The following SLC9C1 variants were observed in gnomAD, a reference collection of about 807,000 sequenced individuals.
The protein encoded by SLC9C1 is sodium/hydrogen exchanger 10.
A neutral mutation model predicts 140.9 loss-of-function variants in SLC9C1; 97 were observed. The ratio of observed to expected loss-of-function variants is 0.69; its 90% CI spans 0.58 to 0.82. The LOEUF is 0.82. Ranked by LOEUF, SLC9C1 falls within the 40% of genes least tolerant of loss-of-function variation. The pLI is 0.00. For synonymous variants in SLC9C1, 440 were observed against 442.6 expected, an observed-to-expected ratio of 0.99 and a Z score of 0.07; for missense variants, 1,340 against 1,389.3, an observed-to-expected ratio of 0.96 and a Z score of 0.56.
Position 112,180,641 on chromosome 3 carries a change from A to G in SLC9C1, c.2671T>C (p.Phe891Leu), listed in dbSNP as rs779228143. ...TCAAATATATCATTTCCACAATCAAATGTTACAACTTTGGCTTTTTCCTAA... is the reference window on the plus strand; with the variant it reads ...TCAAATATATCATTTCCACAATCAAGTGTTACAACTTTGGCTTTTTCCTAA... ...FIQEKAKVVT[F>L]DCGNDIFEEG... Residue 891 changes from phenylalanine to leucine, a missense_variant, in exon 22 of 29, where the codon TTT (phenylalanine) becomes CTT (leucine). Transcript: ENST00000305815. 2.6e-5 allele frequency: 42 copies of G among 1,612,752 alleles called. No individual in the cohort carries two copies. The highest frequency in any genetic ancestry group is 3.5e-5 in the Non-Finnish European group (41 of 1,179,442).
chr3:112,243,917 C>T, intron 11 of SLC9C1, 78 bp downstream of exon 11: 1 of 1,064,384 alleles, frequency 9.4e-7, no homozygotes, highest in African/African-American at 1.6e-5. Context: ...TATATGGATT[C>T]TTTCTTTATT....
chr3:112,290,733 T>A (rs1343633632), intron 1 of SLC9C1, among the ~76,000 whole-genome samples: 2 of 152,150 alleles, frequency 1.3e-5, no homozygotes, highest in South Asian at 4.1e-4. Flanking sequence ...ATCTGGGTGC[T>A]CCTGTGTTGA....
chr3:112,254,595 C>T (rs77185972), intron 10 of SLC9C1, among the ~76,000 whole-genome samples: 3 of 152,128 alleles, frequency 2.0e-5, no homozygotes, highest in East Asian at 3.9e-4. Flanking sequence ...GAAAAAAGCA[C>T]TAAATATAGA....
intron 13 of SLC9C1, among the ~76,000 whole-genome samples, chr3:112,226,726 C>A (rs907803712): frequency 9.1e-4 from 4 of 4,410 alleles, no homozygotes; most frequent in East Asian, 0.083. Context: ...CATCCCCCCC[C>A]ATCCCCCCAC....
At chr3:112,170,863 C>T (rs1282243192) in intron 23 of SLC9C1, among the ~76,000 whole-genome samples, 1 of 152,112 alleles carries the variant, frequency 6.6e-6, no homozygotes, top group African/African-American at 2.4e-5. Flanking sequence ...AACCACTGTT[C>T]AAATTAAAAC....
At position 112,278,788 on chromosome 3, in the gene SLC9C1, C is replaced by A. The variant is rs1228875078; in HGVS notation, c.259G>T (p.Val87Phe). 2 of 1,611,202 alleles carry A rather than the reference C, an allele frequency of 1.2e-6. No homozygotes were observed. The highest frequency in any genetic ancestry group is 1.7e-6 in the Non-Finnish European group (2 of 1,178,842). Reference protein sequence around the residue: ...DLFFRIFTPVVFFTTAFDMDT... With the variant: ...DLFFRIFTPVFFFTTAFDMDT... ...ATGTCAAATGCAGTAGTAAAGAAAA[C>A]TACTGGTGTAAATATACGAAAAAAT... The change falls in exon 4 of 29, where the codon GTT becomes TTT. Residue 87 changes from valine (V) to phenylalanine (F), a missense_variant. Physicochemically the swap from Val to Phe is conservative, Grantham distance 50. Transcript: ENST00000305815.
intron 16 of SLC9C1, among the ~76,000 whole-genome samples, chr3:112,204,912 AG>A (rs1422169528): frequency 1.3e-5 from 2 of 152,126 alleles, no homozygotes; most frequent in African/African-American, 4.8e-5. Flanking sequence ...ATTTATTAAA[AG>A]ATTATGCTTT....
intron 23 of SLC9C1, among the ~76,000 whole-genome samples, chr3:112,178,091 C>T (rs1030160082): frequency 2.0e-5 from 3 of 151,538 alleles, no homozygotes; most frequent in Non-Finnish European, 2.9e-5. Flanking sequence ...CTCTTAAGTC[C>T]ATTTTTAATA....
chr3:112,231,149 T>TCTTTCTCTCC (rs765772923), intron 13 of SLC9C1, among the ~76,000 whole-genome samples: 4 of 18,896 alleles, frequency 2.1e-4, no homozygotes. Flanking sequence ...TTTCTCCCTT[T>TCTTTCTCTCC]CTTTCTTTCT....
chr3:112,181,226 G>T (rs1009801887), intron 21 of SLC9C1, among the ~76,000 whole-genome samples: 3 of 151,994 alleles, frequency 2.0e-5, no homozygotes, highest in African/African-American at 7.3e-5. Context: ...ATTTATACAC[G>T]GATTAGAAAA....
chr3:112,200,663 T>C, intron 19 of SLC9C1, 48 bp downstream of exon 19: 1 of 1,538,682 alleles, frequency 6.5e-7, no homozygotes, highest in Non-Finnish European at 8.9e-7. Flanking sequence ...CTTTCTGAAG[T>C]GGTGATGATA....
At chr3:112,174,035 A>T (rs1192051556) in intron 23 of SLC9C1, among the ~76,000 whole-genome samples, 3 of 152,180 alleles carry the variant, frequency 2.0e-5, no homozygotes, top group African/African-American at 7.2e-5. Flanking sequence ...GTAAATGGTT[A>T]GTGATCGTCA....
chr3:112,246,631 C>A (rs1386431003), intron 10 of SLC9C1, among the ~76,000 whole-genome samples: 1 of 151,788 alleles, frequency 6.6e-6, no homozygotes, highest in Admixed American at 6.6e-5. Context: ...AGTGTTGTAC[C>A]AAGATGATAA....
At chr3:112,239,615 A>AT (rs1292998285) in intron 12 of SLC9C1, among the ~76,000 whole-genome samples, 1 of 152,086 alleles carries the variant, frequency 6.6e-6, no homozygotes, top group Non-Finnish European at 1.5e-5. Context: ...CAAAACATAT[A>AT]TTTTAAACAT....
intron 11 of SLC9C1, among the ~76,000 whole-genome samples, chr3:112,240,873 A>C (rs571165708): frequency 1.9e-3 from 296 of 152,338 alleles, no homozygotes; most frequent in African/African-American, 6.9e-3. Context: ...AGCCACACAC[A>C]GAAAGACAAA....
chr3:112,150,182 A>G (rs2074916201), intron 28 of SLC9C1, among the ~76,000 whole-genome samples: 1 of 152,178 alleles, frequency 6.6e-6, no homozygotes, highest in African/African-American at 2.4e-5. Flanking sequence ...GCCTGAGACT[A>G]AAATGCCTGT....
intron 20 of SLC9C1, among the ~76,000 whole-genome samples, chr3:112,182,793 T>C (rs1383285829): frequency 6.6e-6 from 1 of 152,226 alleles, no homozygotes; most frequent in Non-Finnish European, 1.5e-5. Context: ...TATCCAAATA[T>C]AACTACTATA....
intron 26 of SLC9C1, among the ~76,000 whole-genome samples, chr3:112,156,579 TA>T (rs1245823491): frequency 6.6e-6 from 1 of 152,090 alleles, no homozygotes; most frequent in Non-Finnish European, 1.5e-5. Flanking sequence ...CGTTTTAGTT[TA>T]TTTTTTTTTA....
At position 112,288,133 on chromosome 3, in the gene SLC9C1, C is replaced by T. The variant is rs188458303; in HGVS notation, c.-87-1255G>A. Among the ~76,000 whole-genome samples, 169 of 150,634 alleles carry T rather than the reference C, an allele frequency of 1.1e-3. 2 individuals are homozygous for T. The highest frequency in any genetic ancestry group is 0.011 in the East Asian group (57 of 5,152). On this transcript the variant is annotated intron_variant, in intron 1 of 28. Coordinates refer to ENST00000305815, the MANE Select transcript of SLC9C1 (RefSeq NM_183061.3). Reference sequence around the variant, plus strand: ...TTTTTTTTTCAGTTTCATACACACACGCACACACACACATCATATATACAT... The same window carrying T: ...TTTTTTTTTCAGTTTCATACACACATGCACACACACACATCATATATACAT...
Sources: allele counts gnomAD v4.1 joint callset (sites outside exome capture counted in the v4.1 genomes callset), GRCh38; gene constraint gnomAD v4.1.1; transcripts MANE v1.5; gene names NCBI Gene and HGNC (gene_info 2026-07-23, HGNC 2026-07-21).